Variants in BPTF observed in about 807,000 individuals in gnomAD.
BPTF encodes the protein bromodomain PHD finger transcription factor, also known as nucleosome-remodeling factor subunit BPTF.
In BPTF, 18 loss-of-function variants were observed where a neutral mutation model predicts 292.5. The observed-to-expected ratio is 0.06, with a 90% CI of 0.04 to 0.09. The LOEUF is 0.09. BPTF is among the 10% of genes least tolerant of loss of function. The pLI is 1.00. For missense variants in BPTF, 2,726 were observed against 3,498.7 expected, an observed-to-expected ratio of 0.78 and a Z score of 5.57; for synonymous variants, 1,225 against 1,251.9, an observed-to-expected ratio of 0.98 and a Z score of 0.45.
chr17:67,920,858 A>C (rs1318547588), intron 13 of BPTF, among the ~76,000 whole-genome samples: 1 of 152,058 alleles, frequency 6.6e-6, no homozygotes, highest in Non-Finnish European at 1.5e-5. Context: ...AAAATATATA[A>C]ATTCCATTTT....
Position 67,904,820 on chromosome 17 carries a change from A to G in BPTF, c.2792A>G (p.Tyr931Cys), listed in dbSNP as rs1281485291. The change falls in exon 9 of 28, where the codon TAC becomes TGC. Residue 931 changes from tyrosine to cysteine, a missense_variant. Tyr to Cys is a radical substitution (Grantham distance 194). Around this residue, in one of 22 missense-constraint regions of BPTF, gnomAD observed 99 missense variants for 227.1 expected, o/e 0.44. Coordinates refer to ENST00000306378, the MANE Select transcript of BPTF (RefSeq NM_182641.4). ...PKLPGNTNVN[Y>C]RKSLEGTKNN... Reference sequence around the variant, plus strand: ...TTGCCAGGCAATACTAATGTGAATTACAGAAAGTCGTTAGAAGGAAGTAAG... The same window carrying G: ...TTGCCAGGCAATACTAATGTGAATTGCAGAAAGTCGTTAGAAGGAAGTAAG... 6.2e-7 allele frequency: 1 copy of G among 1,612,282 alleles called. No homozygotes were observed. The highest frequency in any genetic ancestry group is 8.5e-7 in the Non-Finnish European group (1 of 1,179,002).
chr17:67,931,804 T>G, intron 17 of BPTF, 107 bp from the exon 18 acceptor site: 1 of 734,434 alleles, frequency 1.4e-6, no homozygotes, highest in Non-Finnish European at 2.1e-6. Flanking sequence ...GTCATTCCTG[T>G]AAACATTTTT....
In BPTF at chr17:67,893,665, T is replaced by C; in HGVS notation, c.2351T>C (p.Ile784Thr). Residue 784 changes from isoleucine (I) to threonine (T), a missense_variant, in exon 6 of 28, where the codon ATC (isoleucine) becomes ACC (threonine). This residue lies in a region of BPTF where 99 missense variants were observed against 227.1 expected (regional missense o/e 0.44). Transcript: ENST00000306378. ...VLTISTLRLT[I>T]TQLENNIPSS... ...ACCATATCTACTCTGAGACTGACTA[T>C]CACCCAATTAGAAAACAACATCCCT... 6 of 1,612,104 alleles carry C rather than the reference T, an allele frequency of 3.7e-6. No homozygotes were observed. Among genetic ancestry groups the C allele is most frequent in the Non-Finnish European group, 5.1e-6 (6 of 1,178,564 alleles).
chr17:67,857,565 C>G (rs1254738264), intron 2 of BPTF, among the ~76,000 whole-genome samples: 1 of 151,220 alleles, frequency 6.6e-6, no homozygotes, highest in Non-Finnish European at 1.5e-5. Flanking sequence ...CTCCTGGGCT[C>G]AAGCAGTCCT....
chr17:67,895,836 G>A (rs373785754), intron 7 of BPTF, among the ~76,000 whole-genome samples: 4 of 152,134 alleles, frequency 2.6e-5, no homozygotes, highest in South Asian at 2.1e-4. Context: ...AATGCAATTC[G>A]ACTCCTTCCT....
chr17:67,850,984 A>G (rs1169768268), intron 1 of BPTF, among the ~76,000 whole-genome samples: 1 of 152,204 alleles, frequency 6.6e-6, no homozygotes, highest in Non-Finnish European at 1.5e-5. Flanking sequence ...AAGCAAATTG[A>G]TACAATAAGC....
intron 4 of BPTF, among the ~76,000 whole-genome samples, chr17:67,875,400 C>T (rs2059993599): frequency 6.6e-6 from 1 of 152,096 alleles, no homozygotes; most frequent in South Asian, 2.1e-4. Flanking sequence ...TCTGAATTAC[C>T]TATTGCAGCA....
intron 1 of BPTF, among the ~76,000 whole-genome samples, chr17:67,841,250 A>G (rs2057531647): frequency 6.6e-6 from 1 of 151,970 alleles, no homozygotes; most frequent in African/African-American, 2.4e-5. Context: ...TCTACTAAAA[A>G]TACAAAAAAT....
At position 67,853,873 on chromosome 17, in the gene BPTF, C is replaced by A; in HGVS notation, c.614-67C>A. On this transcript the variant is annotated intron_variant, in intron 1 of 27. Coordinates refer to ENST00000306378, the MANE Select transcript of BPTF (RefSeq NM_182641.4). ...TATGTATTTTAGGGGGGTATATGTT[C>A]AAATAGGAAATTTGTAGAAATGATG... 2.3e-6 allele frequency: 3 copies of A among 1,313,014 alleles called. No homozygotes were observed. In the South Asian group the frequency reaches 4.2e-5, roughly 18 times the overall value. The allele number at this position is 1,313,014 out of a possible 1,614,324, so 81.3% of individuals were successfully genotyped here. A position where few individuals can be genotyped will look rare whatever the true frequency, so the allele number is the denominator to read the frequency against.
chr17:67,904,718 G>A lies in BPTF; in HGVS notation c.2690G>A (p.Gly897Asp). ...TTACACCAGGTTTGGAAACAAAAAG[G>A]TGAAGAGTACAGAGTGACAGGATAT... ...PVKHQVWKQK[G>D]EEYRVTGYGG... The change falls in exon 9 of 28, where the codon GGT becomes GAT. Residue 897 changes from glycine (G) to aspartate (D), a missense_variant. Physicochemically the swap from Gly to Asp is moderately conservative, Grantham distance 94. Transcript: ENST00000306378. The A allele has an allele frequency of 6.2e-7, 1 of 1,606,272 alleles. No homozygotes were observed. Among genetic ancestry groups the A allele is most frequent in the South Asian group, 1.1e-5 (1 of 89,288 alleles).
At chr17:67,932,069 G>A in intron 18 of BPTF, 50 bp downstream of exon 18, 1 of 1,474,022 alleles carries the variant, frequency 6.8e-7, no homozygotes, top group South Asian at 1.1e-5. Flanking sequence ...GCCAGTCTAG[G>A]AAATACGTAA....
chr17:67,949,570 A>G (rs1279576438), intron 23 of BPTF, among the ~76,000 whole-genome samples: 1 of 151,414 alleles, frequency 6.6e-6, no homozygotes, highest in African/African-American at 2.4e-5. Flanking sequence ...GTGAGACTCC[A>G]TCTCAAAAAA....
intron 4 of BPTF, among the ~76,000 whole-genome samples, chr17:67,876,844 T>A (rs2060080171): frequency 1.3e-5 from 2 of 151,994 alleles, no homozygotes; most frequent in African/African-American, 4.8e-5. Context: ...TATATTTATA[T>A]GAAAACATAA....
Position 67,826,223 on chromosome 17 carries a change from G to A in BPTF, c.499G>A (p.Glu167Lys). The change falls in exon 1 of 28, where the codon GAA (glutamate) becomes AAA (lysine). Residue 167 changes from glutamate to lysine, a missense_variant. Physicochemically the swap from Glu to Lys is moderately conservative, Grantham distance 56. Coordinates refer to ENST00000306378, the MANE Select transcript of BPTF (RefSeq NM_182641.4). ...DSEDDEEDEM[E>K]EDDDDSDYPE... ...TGAGGACGACGAGGAGGATGAGATG[G>A]AAGAGGACGACGATGACTCCGATTA... 3.7e-6 allele frequency: 6 copies of A among 1,613,726 alleles called. No homozygotes were observed. Among genetic ancestry groups the A allele is most frequent in the Non-Finnish European group, 4.2e-6 (5 of 1,179,768 alleles).
intron 27 of BPTF, 45 bp from the exon 28 acceptor site, chr17:67,982,207 A>T: frequency 6.3e-7 from 1 of 1,579,786 alleles, no homozygotes; most frequent in Non-Finnish European, 8.7e-7. Context: ...ATTGTTTTCA[A>T]AAATGAAGGG....
intron 12 of BPTF, 55 bp from the exon 13 acceptor site, chr17:67,919,960 T>G: frequency 1.3e-6 from 2 of 1,536,096 alleles, no homozygotes; most frequent in Non-Finnish European, 1.8e-6. Context: ...ATGTACCTTT[T>G]TAGTCTCTGA....
chr17:67,859,661 G>A lies in BPTF; in HGVS notation c.1436+4899G>A, dbSNP rs75901064. ...TCTTGAGAAATCTGCAACTTGCATCGTTTTAGCTGTTAAAACCAATGCTTA... is the reference window on the plus strand; with the variant it reads ...TCTTGAGAAATCTGCAACTTGCATCATTTTAGCTGTTAAAACCAATGCTTA... On this transcript the variant is annotated intron_variant, in intron 2 of 27. Transcript: ENST00000306378. Among the ~76,000 whole-genome samples, 805 of 152,244 alleles carry A rather than the reference G, an allele frequency of 5.3e-3. 12 individuals are homozygous for A. Among genetic ancestry groups the A allele is most frequent in the African/African-American group, 0.019 (771 of 41,520 alleles).
chr17:67,837,855 C>G (rs2057253818), intron 1 of BPTF, among the ~76,000 whole-genome samples: 1 of 152,208 alleles, frequency 6.6e-6, no homozygotes, highest in African/African-American at 2.4e-5. Context: ...ATATGAGACC[C>G]TGAGTTTTAC....
Position 67,855,165 on chromosome 17 carries a change from G to T in BPTF, c.1436+403G>T, listed in dbSNP as rs140417869. Among the ~76,000 whole-genome samples, 29 of 152,254 alleles carry T rather than the reference G, an allele frequency of 1.9e-4. No individual in the cohort carries two copies. In the East Asian group the frequency reaches 5.4e-3, roughly 28 times the overall value. ...AAAATACAAAACTTAGCCAGGTGTGGTGGCGCACACCTGTAATCCCAGCTA... is the reference window on the plus strand; with the variant it reads ...AAAATACAAAACTTAGCCAGGTGTGTTGGCGCACACCTGTAATCCCAGCTA... On this transcript the variant is annotated intron_variant, in intron 2 of 27. Transcript: ENST00000306378.
Sources: allele counts gnomAD v4.1 joint callset (sites outside exome capture counted in the v4.1 genomes callset), GRCh38; gene constraint gnomAD v4.1.1; regional missense constraint gnomAD v4.1.1; transcripts MANE v1.5; gene names NCBI Gene and HGNC (gene_info 2026-07-23, HGNC 2026-07-21).